The following CASC3 variants were observed in gnomAD, a reference collection of about 807,000 sequenced individuals.
CASC3 encodes the protein CASC3 exon junction complex subunit.
A neutral mutation model predicts 80.5 loss-of-function variants in CASC3; 30 were observed. That is an observed-to-expected ratio of 0.37 (90% CI 0.28 to 0.51). The LOEUF is 0.51. Among genes scored for constraint, CASC3 ranks in the 20% least tolerant of loss-of-function variants. The pLI, the probability that CASC3 is intolerant of heterozygous loss-of-function variation, is 0.94. For missense variants in CASC3, 824 were observed against 922.2 expected, an observed-to-expected ratio of 0.89 and a Z score of 1.38; for synonymous variants, 312 against 333.6, an observed-to-expected ratio of 0.94 and a Z score of 0.70.
intron 1 of CASC3, 33 bp downstream of exon 1, chr17:40,140,812 C>A: frequency 1.0e-5 from 1 of 97,552 alleles, no homozygotes; most frequent in Non-Finnish European, 1.6e-5. Context: ...GGGTGGGGAC[C>A]GGGCGGCGAG....
At chr17:40,144,586 C>G (rs1448902641) in intron 3 of CASC3, among the ~76,000 whole-genome samples, 1 of 151,108 alleles carries the variant, frequency 6.6e-6, no homozygotes, top group Non-Finnish European at 1.5e-5. Context: ...CTCAGGTGAT[C>G]CGTCCGCCTC....
chr17:40,153,057 G>A (rs1348245651), intron 3 of CASC3, among the ~76,000 whole-genome samples: 1 of 152,052 alleles, frequency 6.6e-6, no homozygotes, highest in African/African-American at 2.4e-5. Context: ...TTACAGGTGT[G>A]AGCCACCACG....
intron 3 of CASC3, among the ~76,000 whole-genome samples, chr17:40,149,790 G>A (rs1988952637): frequency 1.3e-5 from 2 of 152,082 alleles, no homozygotes; most frequent in South Asian, 2.1e-4. Flanking sequence ...CAGATCACGA[G>A]GTCAGGAGAT....
Position 40,163,743 on chromosome 17 carries a change from C to T in CASC3, c.1048C>T (p.Arg350Trp), listed in dbSNP as rs144021374. Residue 350 changes from arginine to tryptophan, a missense_variant, in exon 7 of 14, where the codon CGG becomes TGG. This residue lies in a region of CASC3 where 464 missense variants were observed against 506.0 expected (regional missense o/e 0.92). Transcript: ENST00000264645. ...GACTGTTAAGCATGAGATTAGTTACCGGTCACGGCGCCTAGAGCAGACTTC... is the reference window on the plus strand; with the variant it reads ...GACTGTTAAGCATGAGATTAGTTACTGGTCACGGCGCCTAGAGCAGACTTC... The part of the protein sequence containing the change: ...GETVKHEISY[R>W]SRRLEQTSVR... 1.5e-5 allele frequency: 25 copies of T among 1,613,978 alleles called. No homozygotes were observed. Among genetic ancestry groups the T allele is most frequent in the African/African-American group, 1.5e-4 (11 of 74,898 alleles).
chr17:40,169,850 A>T (rs1032626846), intron 13 of CASC3, among the ~76,000 whole-genome samples, 188 bp downstream of exon 13: 1 of 128,224 alleles, frequency 7.8e-6, no homozygotes, highest in Non-Finnish European at 1.6e-5. Flanking sequence ...CCATCTCCTG[A>T]GTTCAAGCGA....
chr17:40,144,066 A>G (rs1988790531), intron 3 of CASC3, among the ~76,000 whole-genome samples: 1 of 151,986 alleles, frequency 6.6e-6, no homozygotes, highest in Non-Finnish European at 1.5e-5. Flanking sequence ...AGCCTGGCCA[A>G]CATGGCGAAA....
intron 12 of CASC3, 66 bp downstream of exon 12, chr17:40,169,512 G>A: frequency 6.4e-7 from 1 of 1,573,362 alleles, no homozygotes; most frequent in South Asian, 1.2e-5. Context: ...CTCCCCAGAG[G>A]ATTTCCCTCA....
chr17:40,160,793 A>C (rs533048204), intron 3 of CASC3, among the ~76,000 whole-genome samples: 144 of 151,542 alleles, frequency 9.5e-4, no homozygotes, highest in African/African-American at 3.2e-3. Context: ...CTGGTCTCGA[A>C]CTCCTGACCT....
intron 3 of CASC3, among the ~76,000 whole-genome samples, chr17:40,144,701 C>T (rs1461939767): frequency 7.0e-6 from 1 of 142,940 alleles, no homozygotes; most frequent in African/African-American, 2.6e-5. Flanking sequence ...CAGGGTCTCA[C>T]TCTGTTGCCC....
rs1449359811 is a variant in CASC3 at position 40,171,576 on chromosome 17, C to T, written c.*1171C>T. Reference sequence around the variant, plus strand: ...TCCTTGCAGACAGAATATAAAAACTCCTGGGCTTAAGGCCTAAGGAAGCCA... The same window carrying T: ...TCCTTGCAGACAGAATATAAAAACTTCTGGGCTTAAGGCCTAAGGAAGCCA... On this transcript the variant is annotated 3_prime_UTR_variant, in exon 14 of 14. Coordinates refer to ENST00000264645, the MANE Select transcript of CASC3 (RefSeq NM_007359.5). 31 of 990,350 alleles carry T rather than the reference C, an allele frequency of 3.1e-5. No individual in the cohort carries two copies. Among genetic ancestry groups the T allele is most frequent in the Non-Finnish European group, 3.7e-5 (31 of 832,494 alleles). The allele number at this position is 990,350 out of a possible 1,614,324, so 61.3% of individuals were successfully genotyped here.
In CASC3 at chr17:40,140,701, G is replaced by A. The variant is rs1160958506; in HGVS notation, c.153G>A (p.Gln51=). The change falls in exon 1 of 14, where the codon CAG becomes CAA. Residue 51 remains glutamine, a synonymous_variant. Transcript: ENST00000264645. Reference sequence around the variant, plus strand: ...GCGGCAGCGGCTCTCTGCCTTCACAGCGCGGAGGCCGAACCGGGGCCCTTC... The same window carrying A: ...GCGGCAGCGGCTCTCTGCCTTCACAACGCGGAGGCCGAACCGGGGCCCTTC... ...GGGGSGSLPS[Q]RGGRTGALHL... 3 of 1,582,186 alleles carry A rather than the reference G, an allele frequency of 1.9e-6. No individual in the cohort carries two copies. Among genetic ancestry groups the A allele is most frequent in the Non-Finnish European group, 2.6e-6 (3 of 1,166,316 alleles).
chr17:40,146,754 A>T lies in CASC3; in HGVS notation c.297+5147A>T, dbSNP rs556318944. ...TGCCTGGCCTCTTTTTTATTTTTTT[A>T]AAAATATTTTTAATAGAGATGAGGT... On this transcript the variant is annotated intron_variant, in intron 3 of 13. Transcript: ENST00000264645. 4.3e-3 allele frequency among the ~76,000 whole-genome samples: 651 copies of T among 151,480 alleles called. 9 individuals carry two copies. The highest frequency in any genetic ancestry group is 0.015 in the African/African-American group (626 of 41,282).
At chr17:40,164,298 C>G in intron 7 of CASC3, 132 bp downstream of exon 7, 4 of 838,912 alleles carry the variant, frequency 4.8e-6, no homozygotes, top group Non-Finnish European at 7.2e-6. Flanking sequence ...GAGTCTCACT[C>G]TTTTGCCCAG....
chr17:40,165,373 T>G (rs1043505541), intron 7 of CASC3, among the ~76,000 whole-genome samples: 2 of 152,128 alleles, frequency 1.3e-5, no homozygotes, highest in Admixed American at 1.3e-4. Flanking sequence ...CCCAGCTAAT[T>G]TTTAAAAAAT....
At chr17:40,153,882 TTGCTAACATGGCGAAACC>T (rs1989075970) in intron 3 of CASC3, among the ~76,000 whole-genome samples, 1 of 152,136 alleles carries the variant, frequency 6.6e-6, no homozygotes, top group Admixed American at 6.6e-5. Flanking sequence ...CAGACCAGCC[TTGCTAACATGGCGAAACC>T]TCGTCTCTGC....
chr17:40,162,956 T>TAA (rs1321713902), intron 6 of CASC3, 55 bp downstream of exon 6: 17 of 1,519,394 alleles, frequency 1.1e-5, no homozygotes, highest in Non-Finnish European at 1.5e-5. Context: ...TACGGTGGCT[T>TAA]ACACCTGGAA....
chr17:40,145,448 A>C (rs1988834511), intron 3 of CASC3, among the ~76,000 whole-genome samples: 2 of 152,158 alleles, frequency 1.3e-5, no homozygotes, highest in Non-Finnish European at 2.9e-5. Flanking sequence ...CTGGGATTAC[A>C]GGCGTGAGCT....
chr17:40,162,439 C>G (rs1044342738), intron 5 of CASC3, among the ~76,000 whole-genome samples: 4 of 151,790 alleles, frequency 2.6e-5, no homozygotes, highest in African/African-American at 9.7e-5. Context: ...GAAATACTTG[C>G]ATAGGTTGCC....
intron 11 of CASC3, 146 bp from the exon 12 acceptor site, chr17:40,169,178 C>A: frequency 1.2e-6 from 1 of 831,086 alleles, no homozygotes; most frequent in Non-Finnish European, 1.8e-6. Flanking sequence ...AATGAATAGT[C>A]ACTTTATTTT....
Sources: gnomAD v4.1 joint callset for allele counts (sites outside exome capture counted in the v4.1 genomes callset) on GRCh38, gnomAD v4.1.1 for gene constraint, gnomAD v4.1.1 regional missense constraint, MANE v1.5 for transcripts, NCBI Gene and HGNC (gene_info 2026-07-23, HGNC 2026-07-21) for gene names.